REEP3: variants seen among roughly 807,000 people sequenced by gnomAD.
REEP3 encodes receptor accessory protein 3.
In REEP3, 20 loss-of-function variants were observed where a neutral mutation model predicts 41.3. That is an observed-to-expected ratio of 0.48 (90% CI 0.34 to 0.70). The LOEUF (loss-of-function observed/expected upper bound fraction) is 0.70. Among genes scored for constraint, REEP3 ranks in the 30% least tolerant of loss-of-function variants. The pLI, the probability that REEP3 is intolerant of heterozygous loss-of-function variation, is 0.01. For missense variants in REEP3, 271 were observed against 308.8 expected (o/e 0.88, Z 0.92); for synonymous variants, 104 against 101.8 (o/e 1.02, Z -0.13).
chr10:63,556,653 T>A (rs1589865659), intron 1 of REEP3, among the ~76,000 whole-genome samples: 1 of 84,426 alleles, frequency 1.2e-5, no homozygotes, highest in Non-Finnish European at 2.4e-5. Flanking sequence ...TTTTTTTTTT[T>A]GAGACGGAGT....
chr10:63,544,092 A>G (rs1371983505), intron 1 of REEP3, among the ~76,000 whole-genome samples: 3 of 152,244 alleles, frequency 2.0e-5, no homozygotes, highest in Admixed American at 6.5e-5. Flanking sequence ...CTTTGAAATT[A>G]TCTTCCTTGT....
chr10:63,526,814 G>A (rs1955369057), intron 1 of REEP3, among the ~76,000 whole-genome samples: 1 of 152,080 alleles, frequency 6.6e-6, no homozygotes, highest in African/African-American at 2.4e-5. Flanking sequence ...ATGCAAATGT[G>A]TTTCTCAATC....
chr10:63,574,836 G>T, intron 2 of REEP3, among the ~76,000 whole-genome samples: 2 of 145,050 alleles, frequency 1.4e-5, no homozygotes, highest in Non-Finnish European at 3.0e-5. Context: ...GCTATAATGA[G>T]AGGTCAATTT....
At chr10:63,619,525 C>T (rs984808962) in intron 6 of REEP3, 130 bp from the exon 7 acceptor site, 20 of 684,512 alleles carry the variant, frequency 2.9e-5, no homozygotes, top group Non-Finnish European at 4.1e-5. Context: ...GCATGGAGCA[C>T]ATTCCAGATG....
chr10:63,528,591 C>G (rs1266490745), intron 1 of REEP3, among the ~76,000 whole-genome samples: 2 of 152,180 alleles, frequency 1.3e-5, no homozygotes, highest in Admixed American at 6.5e-5. Context: ...TGCTCACAAC[C>G]CTCAGATGAC....
At chr10:63,583,488 T>C (rs1375149386) in intron 2 of REEP3, among the ~76,000 whole-genome samples, 3 of 152,230 alleles carry the variant, frequency 2.0e-5, no homozygotes, top group African/African-American at 7.2e-5. Flanking sequence ...AAGTCAGCCA[T>C]AGCCTTGCCA....
At position 63,598,086 on chromosome 10, in the gene REEP3, A is replaced by G. The variant is rs748008744; in HGVS notation, c.245A>G (p.Lys82Arg). ...FVIWLLSPYT[K>R]GASLIYRKFL... ...ATATGGCTGCTTTCTCCCTATACCA[A>G]AGGAGCAAGTTTAATATATAGAAAA... The change falls in exon 4 of 8, where the codon AAA (lysine) becomes AGA (arginine). Residue 82 changes from lysine (K) to arginine (R), a missense_variant. By Grantham distance (26) the Lys-to-Arg change is conservative. Coordinates refer to ENST00000373758, the MANE Select transcript of REEP3 (RefSeq NM_001001330.3). 1.3e-5 allele frequency: 21 copies of G among 1,600,666 alleles called. No individual in the cohort carries two copies. The highest frequency in any genetic ancestry group is 1.8e-5 in the Non-Finnish European group (21 of 1,167,996).
chr10:63,608,901 A>G (rs72838792), intron 5 of REEP3, among the ~76,000 whole-genome samples: 11,413 of 152,224 alleles, frequency 0.075, 625 homozygotes, highest in East Asian at 0.22. Flanking sequence ...ACTGAATATT[A>G]TATTTTATTT....
At chr10:63,578,813 C>T (rs897909600) in intron 2 of REEP3, among the ~76,000 whole-genome samples, 3 of 152,058 alleles carry the variant, frequency 2.0e-5, no homozygotes, top group African/African-American at 7.2e-5. Flanking sequence ...TACATACTGT[C>T]GTTTTTTCAA....
chr10:63,601,435 A>G lies in REEP3; in HGVS notation c.417+2152A>G, dbSNP rs542529624. Among the ~76,000 whole-genome samples the G allele has an allele frequency of 2.5e-4, 38 of 152,346 alleles. 1 individual carries two copies. The highest frequency in any genetic ancestry group is 8.9e-4 in the African/African-American group (37 of 41,594). On this transcript the variant is annotated intron_variant, in intron 5 of 7. Transcript: ENST00000373758. The stretch of plus-strand genomic sequence containing the variant: ...GAATGGTCCACAAAAAAGAAAACCC[A>G]TGGGATCTGGGAAACAAGTCATTCA...
At chr10:63,554,394 G>T (rs1342918360) in intron 1 of REEP3, among the ~76,000 whole-genome samples, 1 of 152,154 alleles carries the variant, frequency 6.6e-6, no homozygotes, top group African/African-American at 2.4e-5. Flanking sequence ...TATGACAGTA[G>T]TATGCCTGTG....
chr10:63,593,708 C>A (rs911181687), intron 2 of REEP3, among the ~76,000 whole-genome samples: 1 of 152,172 alleles, frequency 6.6e-6, no homozygotes, highest in East Asian at 1.9e-4. Context: ...GGAGAATTAA[C>A]TCAGAAAACA....
chr10:63,573,855 G>A (rs1955874708), intron 2 of REEP3, among the ~76,000 whole-genome samples: 1 of 152,098 alleles, frequency 6.6e-6, no homozygotes, highest in African/African-American at 2.4e-5. Context: ...TTCATTTAAA[G>A]GTTTTAATAA....
intron 2 of REEP3, among the ~76,000 whole-genome samples, chr10:63,579,953 A>C (rs1231673494): frequency 6.6e-6 from 1 of 152,226 alleles, no homozygotes; most frequent in African/African-American, 2.4e-5. Flanking sequence ...TCCCTTTTTC[A>C]GAAAACATAG....
At chr10:63,532,822 T>C (rs1955436190) in intron 1 of REEP3, among the ~76,000 whole-genome samples, 1 of 146,674 alleles carries the variant, frequency 6.8e-6, no homozygotes, top group South Asian at 2.2e-4. Flanking sequence ...GAAGGATCCC[T>C]TGAGCCCAGG....
chr10:63,604,664 A>C (rs1250888973), intron 5 of REEP3, among the ~76,000 whole-genome samples: 1 of 152,208 alleles, frequency 6.6e-6, no homozygotes, highest in African/African-American at 2.4e-5. Flanking sequence ...AAAAAAGGGA[A>C]GAATGTTTGT....
rs67364276 is a variant in REEP3, at chr10:63,603,312, C to CAAA, written c.417+4049_417+4051dup. Reference sequence around the variant, plus strand: ...TGGGTGAGAGTGCAAGACTCTGTCTCAAAAAAAAAAAAAAAAAAAAAAGAC... The same window carrying CAAA: ...TGGGTGAGAGTGCAAGACTCTGTCTCAAAAAAAAAAAAAAAAAAAAAAAAAGAC... On this transcript the variant is annotated intron_variant, in intron 5 of 7. Coordinates refer to ENST00000373758, the MANE Select transcript of REEP3 (RefSeq NM_001001330.3). Among the ~76,000 whole-genome samples, 111 of 61,854 alleles carry CAAA rather than the reference C, an allele frequency of 1.8e-3. 1 individual carries two copies. Among genetic ancestry groups the CAAA allele is most frequent in the East Asian group, 3.7e-3 (7 of 1,908 alleles). The allele number at this position is 61,854 out of a possible 152,430, so 40.6% of individuals were successfully genotyped here. A position where few individuals can be genotyped will look rare whatever the true frequency, so the allele number is the denominator to read the frequency against.
intron 1 of REEP3, among the ~76,000 whole-genome samples, chr10:63,543,403 C>T (rs914577882): frequency 6.6e-6 from 1 of 151,994 alleles, no homozygotes; most frequent in Non-Finnish European, 1.5e-5. Flanking sequence ...TCAAGCCATC[C>T]TTCTGACTCA....
chr10:63,583,153 A>G (rs1313590624), intron 2 of REEP3, among the ~76,000 whole-genome samples: 1 of 151,572 alleles, frequency 6.6e-6, no homozygotes, highest in Non-Finnish European at 1.5e-5. Flanking sequence ...CACCACACCC[A>G]GCTAATTTTT....
Sources: gnomAD v4.1 joint callset for allele counts (sites outside exome capture counted in the v4.1 genomes callset) on GRCh38, gnomAD v4.1.1 for gene constraint, MANE v1.5 for transcripts, NCBI Gene and HGNC (gene_info 2026-07-23, HGNC 2026-07-21) for gene names.